The following PLCG1 variants were observed in gnomAD, a reference collection of about 807,000 sequenced individuals.
PLCG1 encodes the protein 1-phosphatidylinositol 4,5-bisphosphate phosphodiesterase gamma-1.
Under a neutral mutation model 177.8 loss-of-function variants are expected in PLCG1, and 71 were observed. That is an observed-to-expected ratio of 0.40 (90% CI 0.33 to 0.49). PLCG1 has a LOEUF of 0.49. Ranked by LOEUF, PLCG1 falls within the 20% of genes least tolerant of loss-of-function variation. The pLI is 0.72. For synonymous variants in PLCG1, 658 were observed against 647.9 expected (o/e 1.02, Z -0.24); for missense variants, 1,281 against 1,709.0 (o/e 0.75, Z 4.42).
chr20:41,168,001 C>G (rs1226156440), intron 20 of PLCG1, 72 bp downstream of exon 20: 2 of 1,013,544 alleles, frequency 2.0e-6, no homozygotes, highest in Non-Finnish European at 1.6e-6. Flanking sequence ...TTTCTGTGTT[C>G]TGGGCCATCT....
At position 41,157,464 on chromosome 20, in the gene PLCG1, C is replaced by T. The variant is rs894618134; in HGVS notation, c.218-2142C>T. Among the ~76,000 whole-genome samples the T allele has an allele frequency of 6.6e-6, 1 of 152,122 alleles. No homozygotes were observed. The highest frequency in any genetic ancestry group is 1.5e-5 in the Non-Finnish European group (1 of 68,020). On this transcript the variant is annotated intron_variant, in intron 1 of 31. Coordinates refer to ENST00000685551, the MANE Select transcript of PLCG1 (RefSeq NM_002660.3). The surrounding 1 kb of genome is among the most constrained non-coding windows in gnomAD (Gnocchi z 5.4). Reference sequence around the variant, plus strand: ...AGTTCTCCCTGCCCCTGTTTCTACCCGAGTATAACTGTTCATTTTTGTTCC... The same window carrying T: ...AGTTCTCCCTGCCCCTGTTTCTACCTGAGTATAACTGTTCATTTTTGTTCC...
rs1240690392 is a variant in PLCG1 at position 41,151,282 on chromosome 20, C to T, written c.218-8324C>T. On this transcript the variant is annotated intron_variant, in intron 1 of 31. Coordinates refer to ENST00000685551, the MANE Select transcript of PLCG1 (RefSeq NM_002660.3). The surrounding 1 kb of genome is among the most constrained non-coding windows in gnomAD (Gnocchi z 5.5). ...CTGCTGTGGGGACACTGCAGAGTGTCCCAGTTCTGCCATGACTCACCATAT... is the reference window on the plus strand; with the variant it reads ...CTGCTGTGGGGACACTGCAGAGTGTTCCAGTTCTGCCATGACTCACCATAT... Among the ~76,000 whole-genome samples, 1 of 152,146 alleles carries T rather than the reference C, an allele frequency of 6.6e-6. No homozygotes were observed. The highest frequency in any genetic ancestry group is 2.4e-5 in the African/African-American group (1 of 41,418).
Position 41,160,060 on chromosome 20 carries a change from G to GA in PLCG1, c.465-45dup, listed in dbSNP as rs770894151. On this transcript the variant is annotated intron_variant, in intron 3 of 31. Transcript: ENST00000685551. This position sits in a 1 kb window ranked among gnomAD's most constrained non-coding sequence, Gnocchi z 5.5. ...GTGTGCCCAGACATCTCCCAGGCCT[G>GA]ACTGTAGATGGAGAAGTGGCCCTCA... 6.2e-7 allele frequency: 1 copy of GA among 1,610,138 alleles called. No homozygotes were observed. The highest frequency in any genetic ancestry group is 8.5e-7 in the Non-Finnish European group (1 of 1,176,364).
In PLCG1 at chr20:41,172,341, G is replaced by A; in HGVS notation, c.2905+52G>A. The A allele has an allele frequency of 6.3e-7, 1 of 1,579,876 alleles. No homozygotes were observed. The highest frequency in any genetic ancestry group is 8.7e-7 in the Non-Finnish European group (1 of 1,148,780). ...TGCATGTGCCTGGAGGGCCTGGTGG[G>A]TGCAAAAAGAGTATTTAGGTATCCC... On this transcript the variant is annotated intron_variant, in intron 25 of 31. Coordinates refer to ENST00000685551, the MANE Select transcript of PLCG1 (RefSeq NM_002660.3). This position sits in a 1 kb window ranked among gnomAD's most constrained non-coding sequence, Gnocchi z 7.0.
chr20:41,174,293 T>A lies in PLCG1; in HGVS notation c.3815T>A (p.Phe1272Tyr). 6.2e-7 allele frequency: 1 copy of A among 1,614,058 alleles called. No homozygotes were observed. Among genetic ancestry groups the A allele is most frequent in the Non-Finnish European group, 8.5e-7 (1 of 1,179,920 alleles). Residue 1272 changes from phenylalanine (F) to tyrosine (Y), a missense_variant, in exon 31 of 32, where the codon TTT becomes TAT. By Grantham distance (22) the Phe-to-Tyr change is conservative. Around this residue, in one of 4 missense-constraint regions of PLCG1, gnomAD observed 153 missense variants for 153.2 expected, o/e 1.00. Transcript: ENST00000685551. This position sits in a 1 kb window ranked among gnomAD's most constrained non-coding sequence, Gnocchi z 5.8. Reference sequence around the variant, plus strand: ...TCCCAGGAGCATCTCGCAGACCATTTTGACAGTCGAGAACGAAGGTGAGGA... The same window carrying A: ...TCCCAGGAGCATCTCGCAGACCATTATGACAGTCGAGAACGAAGGTGAGGA... Reference protein sequence around the residue: ...RISQEHLADHFDSRERRAPRR... With the variant: ...RISQEHLADHYDSRERRAPRR...
In PLCG1 at chr20:41,160,035, G is replaced by T; in HGVS notation, c.465-71G>T. The T allele has an allele frequency of 3.1e-6, 5 of 1,601,900 alleles. No homozygotes were observed. The highest frequency in any genetic ancestry group is 1.7e-4 in the Middle Eastern group (1 of 6,038). On this transcript the variant is annotated intron_variant, in intron 3 of 31. Transcript: ENST00000685551. This position sits in a 1 kb window ranked among gnomAD's most constrained non-coding sequence, Gnocchi z 5.5. ...AGGGGGACAGGGACAGCAGACCTTT[G>T]TGTGCCCAGACATCTCCCAGGCCTG...
In PLCG1 at chr20:41,159,540, G is replaced by A. The variant is rs1820403697; in HGVS notation, c.218-66G>A. 1 of 1,542,048 alleles carries A rather than the reference G, an allele frequency of 6.5e-7. No individual in the cohort carries two copies. The highest frequency in any genetic ancestry group is 8.9e-7 in the Non-Finnish European group (1 of 1,127,896). Reference sequence around the variant, plus strand: ...AGTGTAAGAATGAGGAAACCAGGCTGCCCTCCTTTCGGTGTTGACTCTGGG... The same window carrying A: ...AGTGTAAGAATGAGGAAACCAGGCTACCCTCCTTTCGGTGTTGACTCTGGG... On this transcript the variant is annotated intron_variant, in intron 1 of 31. Transcript: ENST00000685551. This position sits in a 1 kb window ranked among gnomAD's most constrained non-coding sequence, Gnocchi z 6.0.
rs2035732979 is a variant in PLCG1 at position 41,167,322 on chromosome 20, A to G, written c.2301+463A>G. Among the ~76,000 whole-genome samples, 1 of 152,128 alleles carries G rather than the reference A, an allele frequency of 6.6e-6. No homozygotes were observed. Among genetic ancestry groups the G allele is most frequent in the African/African-American group, 2.4e-5 (1 of 41,422 alleles). Reference sequence around the variant, plus strand: ...GACCCATGGCAGCACAGCTGGTGATAAGGGCCCTGGACAGAAGGAAGGGGT... The same window carrying G: ...GACCCATGGCAGCACAGCTGGTGATGAGGGCCCTGGACAGAAGGAAGGGGT... On this transcript the variant is annotated intron_variant, in intron 19 of 31. Transcript: ENST00000685551. This position sits in a 1 kb window ranked among gnomAD's most constrained non-coding sequence, Gnocchi z 4.4.
Position 41,169,089 on chromosome 20 carries a change from G to C in PLCG1, c.2494G>C (p.Asp832His). The C allele has an allele frequency of 6.2e-7, 1 of 1,613,694 alleles. No homozygotes were observed. The highest frequency in any genetic ancestry group is 8.5e-7 in the Non-Finnish European group (1 of 1,179,586). ...EKQEGGWWRG[D>H]YGGKKQLWFP... ...CTGTGGCTCCCACAGGTGGCGAGGGGACTACGGAGGGAAGAAGCAGCTGTG... is the reference window on the plus strand; with the variant it reads ...CTGTGGCTCCCACAGGTGGCGAGGGCACTACGGAGGGAAGAAGCAGCTGTG... The change falls in exon 22 of 32, where the codon GAC becomes CAC. Residue 832 changes from aspartate (D) to histidine (H), a missense_variant. Physicochemically the swap from Asp to His is moderately conservative, Grantham distance 81 (BLOSUM62 -1). Around this residue, in one of 4 missense-constraint regions of PLCG1, gnomAD observed 723 missense variants for 1,030.0 expected, o/e 0.70. Coordinates refer to ENST00000685551, the MANE Select transcript of PLCG1 (RefSeq NM_002660.3).
Position 41,169,094 on chromosome 20 carries a change from C to A in PLCG1, c.2499C>A (p.Tyr833Ter), listed in dbSNP as rs191679761. The A allele has an allele frequency of 6.2e-7, 1 of 1,613,542 alleles. No individual in the cohort carries two copies. ...KQEGGWWRGDYGGKKQLWFPS... is the reference protein window; with the variant it reads ...KQEGGWWRGD ...GCTCCCACAGGTGGCGAGGGGACTA[C>A]GGAGGGAAGAAGCAGCTGTGGTTCC... The change falls in exon 22 of 32, where the codon TAC (tyrosine) becomes TAA (stop). Residue 833 changes from tyrosine (Y) to a stop codon, truncating the protein, a stop_gained. Transcript: ENST00000685551. LOFTEE classifies it high-confidence loss of function.
At position 41,163,919 on chromosome 20, in the gene PLCG1, A is replaced by C. The variant is rs1229142363; in HGVS notation, c.1011-2A>C. On this transcript the variant is annotated splice_acceptor_variant, in intron 10 of 31. Transcript: ENST00000685551. LOFTEE classifies it high-confidence loss of function. This position sits in a 1 kb window ranked among gnomAD's most constrained non-coding sequence, Gnocchi z 5.2. The stretch of plus-strand genomic sequence containing the variant: ...CCTACCTGCCTCTCCTTGCCTATCC[A>C]GGTACCTGACCGGGGACCAGTTCTC... The C allele has an allele frequency of 6.2e-7, 1 of 1,613,854 alleles. No homozygotes were observed. Among genetic ancestry groups the C allele is most frequent in the African/African-American group, 1.3e-5 (1 of 74,888 alleles).
rs2036032508 is a variant in PLCG1 at position 41,175,344 on chromosome 20, G to A, written c.*835G>A. 1 of 152,290 alleles carries A rather than the reference G, an allele frequency of 6.6e-6. No homozygotes were observed. The highest frequency in any genetic ancestry group is 2.1e-4 in the South Asian group (1 of 4,820). 9.4% of individuals were successfully genotyped at this position (152,290 alleles called of 1,614,324 possible). ...AGAAGAAATAGCAGAGCCTATTTTG[G>A]TGAGGTTTTTTGTTTTTAAGTCAAA... On this transcript the variant is annotated 3_prime_UTR_variant, in exon 32 of 32. Transcript: ENST00000685551.
rs571195357 is a variant in PLCG1 at position 41,138,801 on chromosome 20, G to A, written c.217+943G>A. On this transcript the variant is annotated intron_variant, in intron 1 of 31. Transcript: ENST00000685551. ...CGCTGGTCTCTAGTGGGAGGAGGGA[G>A]TTGGGGGATTTTGAAAAACCCCAGA... is the stretch of plus-strand genomic sequence containing the variant. Among the ~76,000 whole-genome samples, 5 of 152,302 alleles carry A rather than the reference G, an allele frequency of 3.3e-5. No individual in the cohort carries two copies. The South Asian group carries it at 1.0e-3, about 32-fold the overall frequency.
chr20:41,176,156 C>T lies in PLCG1; in HGVS notation c.*1647C>T, dbSNP rs762201427. On this transcript the variant is annotated 3_prime_UTR_variant, in exon 32 of 32. Transcript: ENST00000685551. ...TTGAAAGGCCCTTCTCTTCCTGAAG[C>T]TCTGTTTCCATAGTTGGCTGTGCTG... The T allele has an allele frequency of 2.6e-5, 4 of 152,222 alleles. No individual in the cohort carries two copies. The highest frequency in any genetic ancestry group is 5.9e-5 in the Non-Finnish European group (4 of 68,048). 9.4% of individuals were successfully genotyped at this position (152,222 alleles called of 1,614,324 possible). A position where few individuals can be genotyped will look rare whatever the true frequency, so the allele number is the denominator to read the frequency against.
In PLCG1 at chr20:41,176,758, A is replaced by ACTT. The variant is rs2036075701; in HGVS notation, c.*2251_*2253dup. On this transcript the variant is annotated 3_prime_UTR_variant, in exon 32 of 32. Transcript: ENST00000685551. ...TCAAGCAAATTTAAAGATCATTTTC[A>ACTT]CTTCAAGATTCCTCCAGACCTGACA... The ACTT allele has an allele frequency of 6.6e-6, 1 of 152,230 alleles. No individual in the cohort carries two copies. The highest frequency in any genetic ancestry group is 2.1e-4 in the South Asian group (1 of 4,832). The allele number at this position is 152,230 out of a possible 1,614,324, so 9.4% of individuals were successfully genotyped here.
chr20:41,159,132 C>T lies in PLCG1; in HGVS notation c.218-474C>T, dbSNP rs1173745751. Among the ~76,000 whole-genome samples the T allele has an allele frequency of 6.6e-6, 1 of 152,134 alleles. No individual in the cohort carries two copies. The highest frequency in any genetic ancestry group is 1.9e-4 in the East Asian group (1 of 5,196). Reference sequence around the variant, plus strand: ...TGTGGGGATGGCTTTAGCAGTTAGGCATTTCAGGGATGCACCAGTCCTCTG... The same window carrying T: ...TGTGGGGATGGCTTTAGCAGTTAGGTATTTCAGGGATGCACCAGTCCTCTG... On this transcript the variant is annotated intron_variant, in intron 1 of 31. Coordinates refer to ENST00000685551, the MANE Select transcript of PLCG1 (RefSeq NM_002660.3). This position sits in a 1 kb window ranked among gnomAD's most constrained non-coding sequence, Gnocchi z 6.0.
In PLCG1 at chr20:41,140,406, G is replaced by A. The variant is rs576202256; in HGVS notation, c.217+2548G>A. Among the ~76,000 whole-genome samples, 4 of 152,266 alleles carry A rather than the reference G, an allele frequency of 2.6e-5. No individual in the cohort carries two copies. In the East Asian group the frequency reaches 7.7e-4, roughly 29 times the overall value. On this transcript the variant is annotated intron_variant, in intron 1 of 31. Transcript: ENST00000685551. Reference sequence around the variant, plus strand: ...CTGCCAGCCGGGTTTTCTGCCACCTGGACTCTTGCCCAAGCACCTCAGGTA... The same window carrying A: ...CTGCCAGCCGGGTTTTCTGCCACCTAGACTCTTGCCCAAGCACCTCAGGTA...
At chr20:41,139,627 C>T (rs755523679) in intron 1 of PLCG1, among the ~76,000 whole-genome samples, 3 of 152,160 alleles carry the variant, frequency 2.0e-5, no homozygotes, top group Non-Finnish European at 4.4e-5. Context: ...GCTCCAGGAT[C>T]AAATGAGACA....
Position 41,165,416 on chromosome 20 carries a change from C to A in PLCG1, c.1510-34C>A, listed in dbSNP as rs1216817235. On this transcript the variant is annotated intron_variant, in intron 14 of 31. Transcript: ENST00000685551. The surrounding 1 kb of genome is among the most constrained non-coding windows in gnomAD (Gnocchi z 6.6). ...GTGGTAGGCCAGTGGGTGTGAGGAC[C>A]CTGGCTCACAAGTCCCTCTTTGGTC... The A allele has an allele frequency of 3.7e-6, 6 of 1,613,586 alleles. No individual in the cohort carries two copies. The highest frequency in any genetic ancestry group is 5.1e-6 in the Non-Finnish European group (6 of 1,179,606).
Sources: allele counts gnomAD v4.1 joint callset (sites outside exome capture counted in the v4.1 genomes callset), GRCh38; gene constraint gnomAD v4.1.1; regional missense constraint gnomAD v4.1.1; non-coding constraint Gnocchi (gnomAD v3.1); transcripts MANE v1.5; gene names NCBI Gene and HGNC (gene_info 2026-07-23, HGNC 2026-07-21).